Variants in CSMD1 observed in about 807,000 individuals in gnomAD.
The protein encoded by CSMD1 is CUB and sushi domain-containing protein 1.
CSMD1 carries 213 observed loss-of-function variants against 417.5 expected under a neutral mutation model. That is an observed-to-expected ratio of 0.51 (90% CI 0.46 to 0.57). The LOEUF is 0.57. Among genes scored for constraint, CSMD1 ranks in the 20% least tolerant of loss-of-function variants. The probability of loss-of-function intolerance (pLI) is 0.00; values close to 1 mark genes in which losing one functional copy is unlikely to be tolerated. For synonymous variants in CSMD1, 2,862 were observed against 1,736.8 expected, an observed-to-expected ratio of 1.65 and a Z score of -16.11; for missense variants, 6,923 against 4,529.7, an observed-to-expected ratio of 1.53 and a Z score of -15.17.
intron 1 of CSMD1, among the ~76,000 whole-genome samples, chr8:4,924,301 G>C (rs761858834): frequency 6.6e-6 from 1 of 152,160 alleles, no homozygotes; most frequent in East Asian, 1.9e-4. Context: ...TTTCATCCCA[G>C]TATCCTAATT....
At chr8:4,883,057 A>T (rs1482060120) in intron 1 of CSMD1, among the ~76,000 whole-genome samples, 1 of 152,090 alleles carries the variant, frequency 6.6e-6, no homozygotes, top group African/African-American at 2.4e-5. Flanking sequence ...AGTGCTATGG[A>T]TTACTTAAGA....
intron 30 of CSMD1, among the ~76,000 whole-genome samples, chr8:3,207,259 G>T (rs1351071557): frequency 4.2e-5 from 6 of 143,838 alleles, no homozygotes; most frequent in African/African-American, 1.5e-4. Flanking sequence ...CGATTCTCTT[G>T]CCTCAGCCTC....
chr8:3,695,695 T>G (rs1160506082), intron 7 of CSMD1, among the ~76,000 whole-genome samples: 1 of 152,162 alleles, frequency 6.6e-6, no homozygotes, highest in African/African-American at 2.4e-5. Context: ...CAAATTGTAT[T>G]TAAAAGTTAC....
At chr8:3,705,110 G>C (rs952465078) in intron 7 of CSMD1, among the ~76,000 whole-genome samples, 9 of 152,206 alleles carry the variant, frequency 5.9e-5, no homozygotes, top group African/African-American at 2.2e-4. Flanking sequence ...ACTTTCAAAG[G>C]CTCTGTTTGC....
intron 54 of CSMD1, 97 bp from the exon 55 acceptor site, chr8:2,978,897 G>A: frequency 4.7e-6 from 5 of 1,073,842 alleles, no homozygotes; most frequent in Non-Finnish European, 6.5e-6. Context: ...ATTTTAGAAA[G>A]TTCAAAAACT....
chr8:3,128,703 G>A (rs1368869642), intron 41 of CSMD1: 3 of 355,558 alleles, frequency 8.4e-6, no homozygotes, highest in Non-Finnish European at 1.6e-5. Flanking sequence ...AAATAAAATA[G>A]CTCAAATTCA....
At chr8:4,926,869 C>T (rs1407437869) in intron 1 of CSMD1, among the ~76,000 whole-genome samples, 1 of 152,040 alleles carries the variant, frequency 6.6e-6, no homozygotes, top group Non-Finnish European at 1.5e-5. Context: ...ACTTTAAGCT[C>T]TTTCCAGATT....
intron 5 of CSMD1, among the ~76,000 whole-genome samples, chr8:3,896,720 CA>C (rs1807396464): frequency 6.6e-6 from 1 of 151,902 alleles, no homozygotes; most frequent in African/African-American, 2.4e-5. Flanking sequence ...CCACATTAGC[CA>C]GGATGGTCTC....
At chr8:4,927,733 C>A (rs1806966087) in intron 1 of CSMD1, among the ~76,000 whole-genome samples, 1 of 152,126 alleles carries the variant, frequency 6.6e-6, no homozygotes, top group South Asian at 2.1e-4. Context: ...TGCAAGTTAA[C>A]ATAAATAGGA....
intron 2 of CSMD1, among the ~76,000 whole-genome samples, chr8:4,609,112 A>C (rs1055615031): frequency 6.6e-6 from 1 of 152,176 alleles, no homozygotes; most frequent in African/African-American, 2.4e-5. Context: ...CTCAAGATGA[A>C]ATACTCGCCA....
chr8:3,390,278 T>G (rs980582457), intron 17 of CSMD1, among the ~76,000 whole-genome samples: 3 of 135,572 alleles, frequency 2.2e-5, no homozygotes, highest in African/African-American at 8.4e-5. Flanking sequence ...ACGCTTGAAC[T>G]CAGGAGGCAG....
At chr8:4,923,230 T>C (rs1279714014) in intron 1 of CSMD1, among the ~76,000 whole-genome samples, 1 of 152,206 alleles carries the variant, frequency 6.6e-6, no homozygotes, top group Non-Finnish European at 1.5e-5. Context: ...CAAGTGTCCA[T>C]TCATTAAACA....
chr8:3,757,537 T>G lies in CSMD1; in HGVS notation c.819-3495A>C, dbSNP rs181753875. Among the ~76,000 whole-genome samples the G allele has an allele frequency of 2.2e-3, 337 of 152,328 alleles. 2 individuals carry two copies. The highest frequency in any genetic ancestry group is 0.019 in the South Asian group (94 of 4,830). On this transcript the variant is annotated intron_variant, in intron 5 of 69. Coordinates refer to ENST00000635120, the MANE Select transcript of CSMD1 (RefSeq NM_033225.6). ...CAGATTTGGCCTGCAGGTACTAGTT[T>G]GCTGACCCCTGCTCTAGCATATATG... is the stretch of plus-strand genomic sequence containing the variant.
At chr8:4,230,884 G>A (rs970397130) in intron 3 of CSMD1, among the ~76,000 whole-genome samples, 1 of 152,032 alleles carries the variant, frequency 6.6e-6, no homozygotes, top group Non-Finnish European at 1.5e-5. Context: ...ACTAACTTGA[G>A]TCACCACCAA....
chr8:3,173,091 C>T (rs947403351), intron 37 of CSMD1, among the ~76,000 whole-genome samples: 3 of 152,170 alleles, frequency 2.0e-5, no homozygotes, highest in Admixed American at 1.3e-4. Flanking sequence ...TGATTTCAAT[C>T]ACTTTATTTA....
chr8:4,311,590 G>A (rs1036570624), intron 3 of CSMD1, among the ~76,000 whole-genome samples: 1 of 151,950 alleles, frequency 6.6e-6, no homozygotes, highest in Non-Finnish European at 1.5e-5. Context: ...AGGTGTGGTT[G>A]TGGGCGCCTG....
At chr8:3,048,234 G>C (rs1285222462) in intron 50 of CSMD1, among the ~76,000 whole-genome samples, 11 of 152,086 alleles carry the variant, frequency 7.2e-5, no homozygotes, top group Admixed American at 1.3e-4. Context: ...GACCGATCTT[G>C]TAGGAAACTG....
chr8:3,756,938 T>G (rs1178987982), intron 5 of CSMD1, among the ~76,000 whole-genome samples: 1 of 152,132 alleles, frequency 6.6e-6, no homozygotes, highest in Non-Finnish European at 1.5e-5. Flanking sequence ...TAGAGCTATA[T>G]GTGCACACCA....
At chr8:3,661,251 C>T (rs545921850) in intron 7 of CSMD1, among the ~76,000 whole-genome samples, 2 of 152,288 alleles carry the variant, frequency 1.3e-5, no homozygotes, top group East Asian at 3.9e-4. Flanking sequence ...TCAGCCTTGG[C>T]CAGTCCCAGC....
Sources: allele counts gnomAD v4.1 joint callset (sites outside exome capture counted in the v4.1 genomes callset), GRCh38; gene constraint gnomAD v4.1.1; transcripts MANE v1.5; gene names NCBI Gene and HGNC (gene_info 2026-07-23, HGNC 2026-07-21).